The following ABCC8 variants were observed in gnomAD, a reference collection of about 807,000 sequenced individuals.
The protein encoded by ABCC8 is ATP-binding cassette sub-family C member 8.
A neutral mutation model predicts 188.0 loss-of-function variants in ABCC8; 137 were observed. The observed-to-expected ratio is 0.73, with a 90% CI of 0.63 to 0.84. ABCC8 has a LOEUF of 0.84. Ranked by LOEUF, ABCC8 falls within the 40% of genes least tolerant of loss-of-function variation. The probability of loss-of-function intolerance (pLI) is 0.00; values close to 1 mark genes in which losing one functional copy is unlikely to be tolerated. For missense variants in ABCC8, 1,750 were observed against 2,072.7 expected (o/e 0.84, Z 3.02); for synonymous variants, 797 against 846.5 (o/e 0.94, Z 1.01).
chr11:17,405,387 G>A, intron 27 of ABCC8, 107 bp downstream of exon 27: 1 of 1,539,092 alleles, frequency 6.5e-7, no homozygotes, highest in Non-Finnish European at 9.0e-7. Flanking sequence ...CTTCTTCCCA[G>A]AGGGCTGTGA....
intron 7 of ABCC8, among the ~76,000 whole-genome samples, chr11:17,450,303 TTTC>T (rs1956734586): frequency 7.1e-6 from 1 of 140,404 alleles, no homozygotes; most frequent in East Asian, 2.0e-4. Context: ...TCTTTCTTTC[TTTC>T]TTTCTTTCTT....
chr11:17,395,544 T>C, intron 35 of ABCC8, 66 bp downstream of exon 35: 1 of 1,529,946 alleles, frequency 6.5e-7, no homozygotes, highest in Non-Finnish European at 8.8e-7. Context: ...CTCCTCTTTG[T>C]GCTCCAGATC....
Position 17,460,640 on chromosome 11 carries a change from T to C in ABCC8, c.859A>G (p.Ile287Val), listed in dbSNP as rs1262532967. 6.2e-7 allele frequency: 1 copy of C among 1,611,742 alleles called. No individual in the cohort carries two copies. Among genetic ancestry groups the C allele is most frequent in the Non-Finnish European group, 8.5e-7 (1 of 1,180,022 alleles). ...AAGGCATGGCTGAGTGCCTGCCAGA[T>C]GGCCCGGGCACCTTGAGTGCCCTGA... ...DIQGTQGARA[I>V]WQALSHAFGR... Residue 287 changes from isoleucine (I) to valine (V), a missense_variant, in exon 6 of 39, where the codon ATC becomes GTC. By Grantham distance (29) the Ile-to-Val change is conservative. Transcript: ENST00000389817.
At chr11:17,419,514 G>A (rs1337573979) in intron 16 of ABCC8, among the ~76,000 whole-genome samples, 1 of 152,264 alleles carries the variant, frequency 6.6e-6, no homozygotes, top group Non-Finnish European at 1.5e-5. Flanking sequence ...ATATGCAAAT[G>A]CATAAAGAAA....
At chr11:17,447,245 A>C (rs1428825966) in intron 8 of ABCC8, among the ~76,000 whole-genome samples, 1 of 152,172 alleles carries the variant, frequency 6.6e-6, no homozygotes, top group African/African-American at 2.4e-5. Context: ...ATTTAGTCCC[A>C]GGCATAGGAC....
intron 17 of ABCC8, among the ~76,000 whole-genome samples, chr11:17,415,713 G>A (rs1482335030): frequency 6.6e-6 from 1 of 152,228 alleles, no homozygotes; most frequent in Non-Finnish European, 1.5e-5. Context: ...GAGGTCTGAG[G>A]CTGATACAGC....
chr11:17,445,891 G>A (rs181054219), intron 8 of ABCC8, among the ~76,000 whole-genome samples: 13 of 152,152 alleles, frequency 8.5e-5, no homozygotes, highest in Non-Finnish European at 1.8e-4. Flanking sequence ...TATTAGCAAC[G>A]ATGCATGTGC....
At position 17,408,375 on chromosome 11, in the gene ABCC8, T is replaced by C. The variant is rs2106865; in HGVS notation, c.2820+17A>G. The C allele has an allele frequency of 0.61, 985,251 of 1,609,408 alleles. 304,157 individuals are homozygous for C. Among genetic ancestry groups the C allele is most frequent in the East Asian group, 0.72 (32,049 of 44,786 alleles). On this transcript the variant is annotated intron_variant, in intron 23 of 38. Transcript: ENST00000389817. The stretch of plus-strand genomic sequence containing the variant: ...GCATCCAGGGGTGGCTGCTTGGCCA[T>C]CCCTGGATATACCCACCTTCTCCAG...
intron 6 of ABCC8, 93 bp downstream of exon 6, chr11:17,460,395 T>C (rs534569903): frequency 2.1e-5 from 33 of 1,580,324 alleles, no homozygotes; most frequent in Non-Finnish European, 2.8e-5. Context: ...CACTCCAGTG[T>C]GGCCATGGCT....
intron 7 of ABCC8, 74 bp downstream of exon 7, chr11:17,453,045 G>T (rs1956870033): frequency 1.6e-6 from 2 of 1,282,044 alleles, no homozygotes; most frequent in Non-Finnish European, 2.3e-6. Context: ...TGTCCATGAG[G>T]ATGAATAACA....
intron 10 of ABCC8, among the ~76,000 whole-genome samples, chr11:17,441,151 T>C (rs966093069): frequency 6.6e-6 from 1 of 151,984 alleles, no homozygotes; most frequent in Non-Finnish European, 1.5e-5. Flanking sequence ...TTCTACTCCT[T>C]TCAGAGCCCA....
chr11:17,453,528 C>T (rs1956888422), intron 6 of ABCC8, among the ~76,000 whole-genome samples: 1 of 152,126 alleles, frequency 6.6e-6, no homozygotes, highest in African/African-American at 2.4e-5. Flanking sequence ...GAATGGGGCC[C>T]AATTACAACT....
chr11:17,396,169 C>A (rs1428622500), intron 33 of ABCC8: 2 of 964,106 alleles, frequency 2.1e-6, no homozygotes, highest in East Asian at 5.7e-5. Flanking sequence ...TTTGCCTGGG[C>A]CTTGGTGTGG....
intron 9 of ABCC8, 99 bp downstream of exon 9, chr11:17,443,079 G>A: frequency 6.5e-7 from 1 of 1,534,742 alleles, no homozygotes; most frequent in Non-Finnish European, 9.0e-7. Context: ...CAAAGTCAAA[G>A]TCAAAGTCAA....
In ABCC8 at chr11:17,393,076, C is replaced by G; in HGVS notation, c.4661G>C (p.Gly1554Ala). Residue 1554 changes from glycine (G) to alanine (A), a missense_variant, in exon 39 of 39, where the codon GGT becomes GCT. Gly to Ala is a moderately conservative substitution (Grantham distance 60, BLOSUM62 0). Coordinates refer to ENST00000389817, the MANE Select transcript of ABCC8 (RefSeq NM_000352.6). ...SADLVIVLKR[G>A]AILEFDKPEK... ...TGGCTTATCGAACTCAAGGATGGCA[C>G]CCCGCTTCAGGACGATCACCAGGTC... 1 of 1,614,112 alleles carries G rather than the reference C, an allele frequency of 6.2e-7. No homozygotes were observed. Among genetic ancestry groups the G allele is most frequent in the Non-Finnish European group, 8.5e-7 (1 of 1,180,050 alleles).
chr11:17,396,532 C>T (rs999583874), intron 33 of ABCC8: 25 of 318,848 alleles, frequency 7.8e-5, no homozygotes, highest in African/African-American at 5.4e-4. Context: ...TAGGCAGGGG[C>T]TCACCCTCAA....
chr11:17,463,044 A>G (rs115553425), intron 4 of ABCC8, among the ~76,000 whole-genome samples: 1,563 of 152,230 alleles, frequency 0.01, 16 homozygotes, highest in African/African-American at 0.029. Flanking sequence ...GCGGGAGCAA[A>G]CAGAAAGGAA....
At chr11:17,420,806 T>C (rs1217816089) in intron 16 of ABCC8, among the ~76,000 whole-genome samples, 1 of 152,224 alleles carries the variant, frequency 6.6e-6, no homozygotes, top group Non-Finnish European at 1.5e-5. Context: ...CTCTATTCTT[T>C]ATTTCCAGGG....
intron 3 of ABCC8, among the ~76,000 whole-genome samples, chr11:17,469,831 A>T (rs1848379525): frequency 6.6e-6 from 1 of 152,084 alleles, no homozygotes; most frequent in South Asian, 2.1e-4. Flanking sequence ...TCCTGTGTAG[A>T]TAGCAACATT....
Sources: gnomAD v4.1 joint callset for allele counts (sites outside exome capture counted in the v4.1 genomes callset) on GRCh38, gnomAD v4.1.1 for gene constraint, MANE v1.5 for transcripts, NCBI Gene and HGNC (gene_info 2026-07-23, HGNC 2026-07-21) for gene names.